Variants in PTPRG observed in about 807,000 individuals in gnomAD.
PTPRG encodes protein tyrosine phosphatase receptor type G.
PTPRG carries 102 observed loss-of-function variants against 165.3 expected under a neutral mutation model. That is an observed-to-expected ratio of 0.62 (90% CI 0.53 to 0.73). The LOEUF (loss-of-function observed/expected upper bound fraction) is 0.73, where lower values mean the gene tolerates loss of function less well. Ranked by LOEUF, PTPRG falls within the 30% of genes least tolerant of loss-of-function variation. The pLI is 0.00. For synonymous variants in PTPRG, 675 were observed against 669.5 expected (o/e 1.01, Z -0.13); for missense variants, 1,866 against 1,861.4 (o/e 1.00, Z -0.05).
chr3:61,810,256 C>T (rs1353301739), intron 2 of PTPRG, among the ~76,000 whole-genome samples: 1 of 152,080 alleles, frequency 6.6e-6, no homozygotes, highest in South Asian at 2.1e-4. Context: ...CAGTTCTAGA[C>T]CAAAAATGAG....
chr3:61,680,108 C>T (rs752205550), intron 1 of PTPRG, among the ~76,000 whole-genome samples: 20 of 152,138 alleles, frequency 1.3e-4, no homozygotes, highest in Non-Finnish European at 2.2e-4. Context: ...AGAACAAAGA[C>T]GTACCTGATG....
intron 2 of PTPRG, among the ~76,000 whole-genome samples, chr3:61,972,060 G>A (rs1268244398): frequency 6.6e-6 from 1 of 152,234 alleles, no homozygotes; most frequent in Non-Finnish European, 1.5e-5. Flanking sequence ...ATATTAGAAG[G>A]TGTGCGCTAC....
At chr3:61,563,574 CCCCTAAGGACAGAG>C (rs1699824914) in intron 1 of PTPRG, among the ~76,000 whole-genome samples, 1 of 152,230 alleles carries the variant, frequency 6.6e-6, no homozygotes, top group African/African-American at 2.4e-5. Context: ...ATCCCTCGCT[CCCCTAAGGACAGAG>C]AATTCCCCGT....
At chr3:61,575,377 A>G (rs1700151618) in intron 1 of PTPRG, among the ~76,000 whole-genome samples, 1 of 152,188 alleles carries the variant, frequency 6.6e-6, no homozygotes, top group South Asian at 2.1e-4. Context: ...TTCTGATGAA[A>G]GAGGCCAGTG....
intron 1 of PTPRG, among the ~76,000 whole-genome samples, chr3:61,727,512 A>G (rs1241811102): frequency 6.6e-6 from 1 of 152,212 alleles, no homozygotes; most frequent in Non-Finnish European, 1.5e-5. Context: ...GTCAAACGCA[A>G]ATCATTAATA....
intron 1 of PTPRG, among the ~76,000 whole-genome samples, chr3:61,642,457 C>T (rs976052121): frequency 6.6e-6 from 1 of 152,200 alleles, no homozygotes; most frequent in African/African-American, 2.4e-5. Flanking sequence ...GGGAAAGCAA[C>T]TGAAGAGTGA....
intron 2 of PTPRG, among the ~76,000 whole-genome samples, chr3:61,929,766 C>A (rs931968736): frequency 6.6e-6 from 1 of 152,186 alleles, no homozygotes; most frequent in African/African-American, 2.4e-5. Flanking sequence ...GGAGCAAGAG[C>A]GAGCAGTGGG....
intron 1 of PTPRG, among the ~76,000 whole-genome samples, chr3:61,711,883 T>G (rs1023281556): frequency 6.0e-5 from 9 of 150,810 alleles, no homozygotes; most frequent in Admixed American, 6.7e-5. Flanking sequence ...GTTAGTGATG[T>G]TATTATAGTC....
At chr3:61,573,186 G>A (rs560625624) in intron 1 of PTPRG, among the ~76,000 whole-genome samples, 6 of 152,192 alleles carry the variant, frequency 3.9e-5, no homozygotes, top group South Asian at 2.1e-4. Flanking sequence ...TTGAAAAATC[G>A]CTCATTTAAG....
chr3:62,043,962 G>C (rs555911621), intron 4 of PTPRG, among the ~76,000 whole-genome samples: 22 of 152,198 alleles, frequency 1.4e-4, no homozygotes, highest in Non-Finnish European at 2.5e-4. Flanking sequence ...CAACATGAAA[G>C]ACTGTGGTGA....
chr3:61,883,267 C>T (rs2037938191), intron 2 of PTPRG, among the ~76,000 whole-genome samples: 1 of 152,166 alleles, frequency 6.6e-6, no homozygotes, highest in Non-Finnish European at 1.5e-5. Context: ...CCAAACCACC[C>T]CTCCACTTAT....
intron 2 of PTPRG, among the ~76,000 whole-genome samples, chr3:61,940,010 T>C (rs1303026686): frequency 1.5e-5 from 2 of 133,228 alleles, no homozygotes; most frequent in African/African-American, 5.5e-5. Context: ...AGTGGCGACC[T>C]ATCTCAGCTC....
intron 1 of PTPRG, among the ~76,000 whole-genome samples, chr3:61,707,423 T>A (rs2031319319): frequency 6.6e-6 from 1 of 150,614 alleles, no homozygotes; most frequent in African/African-American, 2.4e-5. Flanking sequence ...TAGATCTAGT[T>A]CAAGGCCAGC....
At chr3:62,038,994 G>T (rs578127001) in intron 4 of PTPRG, among the ~76,000 whole-genome samples, 8 of 152,240 alleles carry the variant, frequency 5.3e-5, no homozygotes, top group Non-Finnish European at 1.0e-4. Context: ...AAGTGCAGTG[G>T]CATGATCTCA....
chr3:62,239,495 G>T (rs1003007315), intron 14 of PTPRG, among the ~76,000 whole-genome samples: 2 of 149,658 alleles, frequency 1.3e-5, no homozygotes, highest in Admixed American at 6.7e-5. Flanking sequence ...TCAGCCTCCC[G>T]AGTAGCTGGA....
At chr3:61,831,767 A>C (rs1022101315) in intron 2 of PTPRG, among the ~76,000 whole-genome samples, 1 of 152,164 alleles carries the variant, frequency 6.6e-6, no homozygotes, top group Non-Finnish European at 1.5e-5. Flanking sequence ...GGTAAATGAT[A>C]TTTTTGTGCC....
At chr3:62,259,070 T>G (rs1360545730) in intron 16 of PTPRG, among the ~76,000 whole-genome samples, 2 of 152,186 alleles carry the variant, frequency 1.3e-5, no homozygotes, top group East Asian at 3.8e-4. Flanking sequence ...GGGGACTGCC[T>G]CTATTACAGT....
chr3:62,209,338 T>C (rs1315340788), intron 12 of PTPRG, among the ~76,000 whole-genome samples: 1 of 152,176 alleles, frequency 6.6e-6, no homozygotes, highest in African/African-American at 2.4e-5. Context: ...AAAATGTCAT[T>C]AATGCCAAGG....
At chr3:62,186,329 C>T (rs73098559) in intron 8 of PTPRG, among the ~76,000 whole-genome samples, 11,655 of 152,108 alleles carry the variant, frequency 0.077, 729 homozygotes, top group East Asian at 0.34. Flanking sequence ...CAGCATCCCT[C>T]ATTCCGTCAG....
Sources: gnomAD v4.1 joint callset for allele counts (sites outside exome capture counted in the v4.1 genomes callset) on GRCh38, gnomAD v4.1.1 for gene constraint, MANE v1.5 for transcripts, NCBI Gene and HGNC (gene_info 2026-07-23, HGNC 2026-07-21) for gene names.